Variants in CACNA1C observed in about 807,000 individuals in gnomAD.
CACNA1C encodes voltage-dependent L-type calcium channel subunit alpha-1C.
In CACNA1C, 30 loss-of-function variants were observed where a neutral mutation model predicts 229.0. That is an observed-to-expected ratio of 0.13 (90% CI 0.10 to 0.18). The LOEUF (loss-of-function observed/expected upper bound fraction) is 0.18. Among genes scored for constraint, CACNA1C ranks in the 10% least tolerant of loss-of-function variants. CACNA1C has a pLI of 1.00. For synonymous variants in CACNA1C, 1,114 were observed against 1,132.5 expected (o/e 0.98, Z 0.33); for missense variants, 1,658 against 2,845.0 (o/e 0.58, Z 9.49).
intron 7 of CACNA1C, among the ~76,000 whole-genome samples, chr12:2,503,167 A>G (rs1366902223): frequency 6.6e-6 from 1 of 152,176 alleles, no homozygotes; most frequent in East Asian, 1.9e-4. Context: ...GGCCGTCAAA[A>G]CGTGGGTTGC....
intron 3 of CACNA1C, among the ~76,000 whole-genome samples, chr12:2,445,826 TC>T (rs767329342): frequency 1.3e-5 from 2 of 152,156 alleles, no homozygotes; most frequent in Non-Finnish European, 2.9e-5. Flanking sequence ...AATGCCAGTT[TC>T]CCAGCATATA....
intron 3 of CACNA1C, among the ~76,000 whole-genome samples, chr12:2,271,780 C>T (rs2085117693): frequency 6.6e-6 from 1 of 151,840 alleles, no homozygotes; most frequent in Admixed American, 6.6e-5. Context: ...CCTGTAGTCC[C>T]AGCTACTTGG....
intron 29 of CACNA1C, chr12:2,614,166 T>C (rs973242072): frequency 1.3e-5 from 2 of 152,242 alleles, no homozygotes; most frequent in African/African-American, 2.4e-5. Context: ...GAAGTAACCA[T>C]TGCGAGTGGT....
At chr12:2,255,127 T>G (rs1350254330) in intron 3 of CACNA1C, among the ~76,000 whole-genome samples, 2 of 152,154 alleles carry the variant, frequency 1.3e-5, no homozygotes, top group African/African-American at 2.4e-5. Flanking sequence ...TGACCTGCTG[T>G]GTGACCTTGG....
chr12:2,438,038 G>T (rs532517901), intron 3 of CACNA1C, among the ~76,000 whole-genome samples: 1,871 of 147,284 alleles, frequency 0.013, 29 homozygotes, highest in African/African-American at 0.044. Context: ...TGGTGGTGAG[G>T]GTGGTGGTGG....
intron 3 of CACNA1C, among the ~76,000 whole-genome samples, chr12:2,339,672 C>T (rs190925063): frequency 5.5e-4 from 83 of 152,156 alleles, no homozygotes; most frequent in Non-Finnish European, 4.9e-4. Flanking sequence ...GTAAGACACG[C>T]GCACATAGTA....
chr12:2,040,063 A>G (rs2049816186), intron 1 of CACNA1C, among the ~76,000 whole-genome samples: 1 of 152,082 alleles, frequency 6.6e-6, no homozygotes, highest in African/African-American at 2.4e-5. Flanking sequence ...TTGCTTTCCC[A>G]TCCAGGTACT....
intron 3 of CACNA1C, among the ~76,000 whole-genome samples, chr12:2,156,660 G>A (rs938927610): frequency 6.6e-6 from 1 of 152,220 alleles, no homozygotes; most frequent in African/African-American, 2.4e-5. Context: ...AAGCTGATGT[G>A]GGTGTCAACA....
rs529064287 is a variant in CACNA1C, at chr12:2,043,413, G to A, written c.140-71811G>A. 2.6e-5 allele frequency among the ~76,000 whole-genome samples: 4 copies of A among 152,296 alleles called. No individual in the cohort carries two copies. The East Asian group carries it at 5.8e-4, about 22-fold the overall frequency. ...TCACAAAGTCACTCAGGGACTCAGGGTTGATGGATGCTTCTCTATCTTGCA... is the reference window on the plus strand; with the variant it reads ...TCACAAAGTCACTCAGGGACTCAGGATTGATGGATGCTTCTCTATCTTGCA... On this transcript the variant is annotated intron_variant, in intron 1 of 46. Coordinates refer to the CACNA1C transcript ENST00000682462.
intron 29 of CACNA1C, chr12:2,614,636 T>C (rs944554456): frequency 1.3e-5 from 2 of 152,242 alleles, no homozygotes; most frequent in African/African-American, 4.8e-5. Flanking sequence ...AGTAGGACTC[T>C]GTGCTGCACT....
chr12:2,580,073 A>G (rs1387524156), intron 13 of CACNA1C, among the ~76,000 whole-genome samples: 1 of 152,238 alleles, frequency 6.6e-6, no homozygotes, highest in Non-Finnish European at 1.5e-5. Context: ...CAGAATTTAT[A>G]TAAGGACAGA....
intron 1 of CACNA1C, among the ~76,000 whole-genome samples, chr12:2,060,556 C>T (rs1418156197): frequency 6.6e-6 from 1 of 152,230 alleles, no homozygotes; most frequent in Non-Finnish European, 1.5e-5. Flanking sequence ...CAAGTCATCT[C>T]TGAGAAACTG....
At chr12:2,482,848 T>C (rs2099681749) in intron 5 of CACNA1C, among the ~76,000 whole-genome samples, 1 of 152,180 alleles carries the variant, frequency 6.6e-6, no homozygotes, top group African/African-American at 2.4e-5. Context: ...ACAGAACTCA[T>C]CTAACCCCTC....
intron 3 of CACNA1C, among the ~76,000 whole-genome samples, chr12:2,140,871 G>A (rs1260803719): frequency 3.3e-5 from 5 of 151,344 alleles, no homozygotes; most frequent in South Asian, 4.2e-4. Context: ...TAAACAACTG[G>A]CAACTTCATA....
intron 1 of CACNA1C, chr12:1,991,267 T>C (rs954539902): frequency 4.4e-6 from 2 of 455,728 alleles, no homozygotes; most frequent in Admixed American, 4.7e-5. Flanking sequence ...GCAATGAAAA[T>C]GTCTACTCCA....
chr12:2,608,680 G>C lies in CACNA1C; in HGVS notation c.3526G>C (p.Glu1176Gln). 6.2e-7 allele frequency: 1 copy of C among 1,614,184 alleles called. No homozygotes were observed. The highest frequency in any genetic ancestry group is 8.5e-7 in the Non-Finnish European group (1 of 1,180,014). ...CACCTTTCAGGAGCAGGGGGAGCAG[G>C]AGTACAAGAACTGTGAGCTGGACAA... ...IVTFQEQGEQ[E>Q]YKNCELDKNQ... is the part of the protein sequence containing the mutation. The change falls in exon 27 of 47, where the codon GAG becomes CAG. Residue 1176 changes from glutamate to glutamine, a missense_variant. Glu to Gln is a conservative substitution (Grantham distance 29). Transcript: ENST00000399655. The surrounding 1 kb of genome is among the most constrained non-coding windows in gnomAD (Gnocchi z 4.2).
intron 3 of CACNA1C, among the ~76,000 whole-genome samples, chr12:2,202,758 A>T (rs1047595721): frequency 6.6e-6 from 1 of 152,202 alleles, no homozygotes; most frequent in African/African-American, 2.4e-5. Flanking sequence ...AAAATGTTTC[A>T]TGAGCAACTT....
At position 2,666,810 on chromosome 12, in the gene CACNA1C, G is replaced by C; in HGVS notation, c.4623+28G>C. The C allele has an allele frequency of 7.1e-7, 1 of 1,411,438 alleles. No individual in the cohort carries two copies. Among genetic ancestry groups the C allele is most frequent in the Non-Finnish European group, 9.9e-7 (1 of 1,012,692 alleles). The allele number at this position is 1,411,438 out of a possible 1,614,324, so 87.4% of individuals were successfully genotyped here. A position where few individuals can be genotyped will look rare whatever the true frequency, so the allele number is the denominator to read the frequency against. On this transcript the variant is annotated intron_variant, in intron 37 of 46. Transcript: ENST00000399655. The surrounding 1 kb of genome is among the most constrained non-coding windows in gnomAD (Gnocchi z 5.3). ...AAGAGATAACGGGGTTCATGGGAGG[G>C]AGAGGGAAAATAGGGGAAGTGAAGT...
At position 1,981,139 on chromosome 12, in the gene CACNA1C, T is replaced by C. The variant is rs74059685; in HGVS notation, c.139+9938T>C. Among the ~76,000 whole-genome samples the C allele has an allele frequency of 1.6e-3, 250 of 152,296 alleles. 1 individual carries two copies. The highest frequency in any genetic ancestry group is 5.8e-3 in the African/African-American group (243 of 41,570). On this transcript the variant is annotated intron_variant, in intron 1 of 46. Coordinates refer to the CACNA1C transcript ENST00000682462. ...ACAACTCACAATCACCTCTAGGAAC[T>C]TGTAGGTAAATGTTACCACTACACA...
Sources: gnomAD v4.1 joint callset for allele counts (sites outside exome capture counted in the v4.1 genomes callset) on GRCh38, gnomAD v4.1.1 for gene constraint, Gnocchi (gnomAD v3.1) non-coding constraint, MANE v1.5 for transcripts, NCBI Gene and HGNC (gene_info 2026-07-23, HGNC 2026-07-21) for gene names.